Variants in UNC13C observed in about 807,000 individuals in gnomAD.
UNC13C encodes unc-13 homolog C.
A neutral mutation model predicts 245.4 loss-of-function variants in UNC13C; 174 were observed. The observed-to-expected ratio is 0.71, with a 90% CI of 0.63 to 0.80. UNC13C has a LOEUF of 0.80. Ranked by LOEUF, UNC13C falls within the 30% of genes least tolerant of loss-of-function variation. UNC13C has a pLI of 0.00. For missense variants in UNC13C, 2,829 were observed against 2,602.9 expected (o/e 1.09, Z -1.89); for synonymous variants, 992 against 895.1 (o/e 1.11, Z -1.93).
the UNC13C span, among the ~76,000 whole-genome samples, chr15:53,864,406 T>C: frequency 6.6e-6 from 1 of 152,202 alleles, no homozygotes; most frequent in Non-Finnish European, 1.5e-5. Flanking sequence ...CTCAGTTTAC[T>C]CTTTCTCAAT....
intron 2 of UNC13C, among the ~76,000 whole-genome samples, chr15:54,062,324 A>C (rs1282791843): frequency 9.0e-6 from 1 of 110,592 alleles, no homozygotes; most frequent in Non-Finnish European, 2.0e-5. Flanking sequence ...ACTCAGTCTC[A>C]AAAAAAAAAA....
At chr15:53,913,345 T>C in the UNC13C span, 4 of 152,342 alleles carry the variant, frequency 2.6e-5, no homozygotes, top group South Asian at 8.3e-4. Context: ...CCTATGGCAG[T>C]GCATGAGTGC....
At chr15:54,507,701 TAATC>T (rs745722077) in intron 23 of UNC13C, among the ~76,000 whole-genome samples, 78 of 152,170 alleles carry the variant, frequency 5.1e-4, no homozygotes, top group African/African-American at 1.6e-3. Context: ...TATTGCAACT[TAATC>T]AAAGGCATAA....
chr15:54,017,968 A>G (rs780383352), intron 2 of UNC13C, among the ~76,000 whole-genome samples: 2 of 152,154 alleles, frequency 1.3e-5, no homozygotes, highest in African/African-American at 2.4e-5. Flanking sequence ...CAGCACACAC[A>G]TCTTTAAGAT....
intron 8 of UNC13C, 25 bp downstream of exon 8, chr15:54,250,469 AGT>A (rs763441445): frequency 5.7e-6 from 9 of 1,573,534 alleles, no homozygotes; most frequent in Non-Finnish European, 7.8e-6. Flanking sequence ...TGGCTGAAAA[AGT>A]GGTATGCAGA....
the UNC13C span, among the ~76,000 whole-genome samples, chr15:53,910,488 G>A: frequency 1.4e-5 from 2 of 146,840 alleles, 1 homozygote; most frequent in Admixed American, 1.4e-4. Context: ...GTGCACAAGA[G>A]ACATGGCTCT....
intron 10 of UNC13C, among the ~76,000 whole-genome samples, chr15:54,269,639 C>A (rs1195646236): frequency 1.3e-5 from 2 of 152,118 alleles, no homozygotes; most frequent in African/African-American, 2.4e-5. Flanking sequence ...AGTGCTCATC[C>A]AGACCAGGGC....
At chr15:54,150,863 T>C (rs2141249843) in intron 4 of UNC13C, among the ~76,000 whole-genome samples, 1 of 152,316 alleles carries the variant, frequency 6.6e-6, no homozygotes, top group South Asian at 2.1e-4. Context: ...AGTTAAACCA[T>C]AGTTTTCTTG....
At chr15:54,237,440 T>C in intron 6 of UNC13C, 179 bp from the exon 7 acceptor site, 2 of 698,584 alleles carry the variant, frequency 2.9e-6, no homozygotes, top group Non-Finnish European at 5.2e-6. Flanking sequence ...ATCGTTCCAG[T>C]TTTAATATTG....
At chr15:53,995,058 T>C (rs1355088730) in intron 1 of UNC13C, among the ~76,000 whole-genome samples, 2 of 152,144 alleles carry the variant, frequency 1.3e-5, no homozygotes, top group Non-Finnish European at 2.9e-5. Flanking sequence ...TGCTTTTGTA[T>C]ATAAATATTC....
intron 1 of UNC13C, among the ~76,000 whole-genome samples, chr15:53,993,062 C>G (rs1894461926): frequency 6.6e-6 from 1 of 152,128 alleles, no homozygotes; most frequent in South Asian, 2.1e-4. Context: ...GTCCTCATTT[C>G]TAGTCTAACT....
chr15:53,921,688 A>T, the UNC13C span, among the ~76,000 whole-genome samples: 2 of 152,114 alleles, frequency 1.3e-5, no homozygotes, highest in Admixed American at 6.5e-5. Context: ...TGGCATGGAG[A>T]TAGTGATGAG....
In UNC13C at chr15:54,577,722, A is replaced by G. The variant is rs556845226; in HGVS notation, c.6106+9775A>G. Among the ~76,000 whole-genome samples, 707 of 152,184 alleles carry G rather than the reference A, an allele frequency of 4.6e-3. 6 individuals carry two copies. Among genetic ancestry groups the G allele is most frequent in the African/African-American group, 0.016 (685 of 41,536 alleles). On this transcript the variant is annotated intron_variant, in intron 30 of 32. Transcript: ENST00000260323. ...ACCGATGAGGGCAGTTAGCAGTTCC[A>G]CTTTCCCTTGTCATTTCCCTAGAGC...
chr15:54,125,883 C>T (rs887739350), intron 2 of UNC13C, among the ~76,000 whole-genome samples: 14 of 152,034 alleles, frequency 9.2e-5, no homozygotes, highest in African/African-American at 3.4e-4. Flanking sequence ...TTTGTATGGT[C>T]TTTTTCCATT....
Position 54,057,222 on chromosome 15 carries a change from C to T in UNC13C, c.2983+41336C>T, listed in dbSNP as rs182952936. On this transcript the variant is annotated intron_variant, in intron 2 of 32. Transcript: ENST00000260323. ...TGCTGTATTCAGGAAACCCATCTCA[C>T]GTGCAGAGACACACATAGGCTCAAA... 2.2e-3 allele frequency among the ~76,000 whole-genome samples: 338 copies of T among 151,870 alleles called. 4 individuals carry two copies. The highest frequency in any genetic ancestry group is 0.021 in the East Asian group (109 of 5,172).
In UNC13C at chr15:54,091,467, T is replaced by G. The variant is rs754613063; in HGVS notation, c.2984-51551T>G. Among the ~76,000 whole-genome samples the G allele has an allele frequency of 1.2e-4, 18 of 152,236 alleles. 1 individual carries two copies. Among genetic ancestry groups the G allele is most frequent in the African/African-American group, 2.4e-5 (1 of 41,462 alleles). On this transcript the variant is annotated intron_variant, in intron 2 of 32. Coordinates refer to ENST00000260323, the MANE Select transcript of UNC13C (RefSeq NM_001080534.3). The stretch of plus-strand genomic sequence containing the variant: ...ATTCCTGTGTTGATTTAGGAAGAGT[T>G]GATTTGTTTATAATGATAAGTCCTT...
At chr15:54,217,216 G>C (rs12439243) in intron 4 of UNC13C, among the ~76,000 whole-genome samples, 7,193 of 150,584 alleles carry the variant, frequency 0.048, 363 homozygotes, top group East Asian at 0.27. Context: ...AATGAACTTG[G>C]TGGAGTCATC....
intron 22 of UNC13C, among the ~76,000 whole-genome samples, chr15:54,501,389 C>T (rs542463104): frequency 7.3e-4 from 111 of 152,202 alleles, no homozygotes; most frequent in African/African-American, 2.6e-3. Flanking sequence ...TTTCTGATTA[C>T]AAATCAACCA....
the UNC13C span, among the ~76,000 whole-genome samples, chr15:53,847,444 C>T: frequency 6.6e-6 from 1 of 151,574 alleles, no homozygotes; most frequent in African/African-American, 2.4e-5. Flanking sequence ...GCAACCTCTG[C>T]CTCCTAGGTT....
Sources: allele counts gnomAD v4.1 joint callset (sites outside exome capture counted in the v4.1 genomes callset), GRCh38; gene constraint gnomAD v4.1.1; transcripts MANE v1.5; gene names NCBI Gene and HGNC (gene_info 2026-07-23, HGNC 2026-07-21).